Variants in ANO6 observed in about 807,000 individuals in gnomAD.
The protein encoded by ANO6 is anoctamin 6.
ANO6 carries 106 observed loss-of-function variants against 117.5 expected under a neutral mutation model. The observed-to-expected ratio is 0.90, with a 90% CI of 0.77 to 1.06. The LOEUF is 1.06. Among genes scored for constraint, ANO6 ranks in the 50% least tolerant of loss-of-function variants. ANO6 has a pLI of 0.00. For synonymous variants in ANO6, 367 were observed against 385.1 expected (o/e 0.95, Z 0.55); for missense variants, 955 against 1,121.1 (o/e 0.85, Z 2.12).
chr12:45,397,090 A>G (rs1256896553), intron 12 of ANO6, among the ~76,000 whole-genome samples: 3 of 152,148 alleles, frequency 2.0e-5, no homozygotes, highest in Non-Finnish European at 4.4e-5. Context: ...TTTGCAATCT[A>G]CCCATCTGAC....
intron 1 of ANO6, among the ~76,000 whole-genome samples, chr12:45,301,711 CTTAG>C (rs1299585706): frequency 2.0e-5 from 3 of 151,974 alleles, no homozygotes; most frequent in African/African-American, 7.2e-5. Context: ...TAAAGTGTTT[CTTAG>C]TTAGACTTTT....
In ANO6 at chr12:45,258,553, C is replaced by T. The variant is rs536919624; in HGVS notation, c.70+42162C>T. ...CCTCTTTACTTCTCTCTCCTCACCT[C>T]TTACATGTGCCTTCTGCCTCCCTAT... On this transcript the variant is annotated intron_variant, in intron 1 of 19. Coordinates refer to ENST00000320560, the MANE Select transcript of ANO6 (RefSeq NM_001025356.3). 3.1e-4 allele frequency among the ~76,000 whole-genome samples: 47 copies of T among 152,304 alleles called. No homozygotes were observed. The South Asian group carries it at 9.7e-3, about 32-fold the overall frequency.
chr12:45,372,254 T>C (rs1212381313), intron 9 of ANO6, among the ~76,000 whole-genome samples: 3 of 145,330 alleles, frequency 2.1e-5, no homozygotes, highest in Admixed American at 6.9e-5. Flanking sequence ...CTGAAAGTGA[T>C]GGGGAGAATG....
chr12:45,294,068 T>C (rs1017672767), intron 1 of ANO6, among the ~76,000 whole-genome samples: 23 of 152,074 alleles, frequency 1.5e-4, no homozygotes, highest in African/African-American at 5.6e-4. Flanking sequence ...ACAGGGGATA[T>C]GGGAATGTGC....
chr12:45,281,733 C>T (rs1938742013), intron 1 of ANO6, among the ~76,000 whole-genome samples: 2 of 152,180 alleles, frequency 1.3e-5, no homozygotes, highest in African/African-American at 4.8e-5. Flanking sequence ...ACAGCCAAAC[C>T]ATATCATTCC....
chr12:45,313,005 T>G (rs1939895392), intron 2 of ANO6, among the ~76,000 whole-genome samples: 1 of 152,084 alleles, frequency 6.6e-6, no homozygotes, highest in South Asian at 2.1e-4. Context: ...TAATGAAAAT[T>G]TTGACAGGTC....
chr12:45,243,186 G>T (rs992972497), intron 1 of ANO6, among the ~76,000 whole-genome samples: 1 of 152,138 alleles, frequency 6.6e-6, no homozygotes, highest in East Asian at 1.9e-4. Flanking sequence ...AGGTGTGGTG[G>T]CATGCACCTG....
At chr12:45,286,407 A>G (rs1164917426) in intron 1 of ANO6, among the ~76,000 whole-genome samples, 1 of 152,214 alleles carries the variant, frequency 6.6e-6, no homozygotes, top group East Asian at 1.9e-4. Flanking sequence ...TCAGTCCATT[A>G]TTTAACCGAT....
At chr12:45,304,054 T>C (rs1438459196) in intron 2 of ANO6, among the ~76,000 whole-genome samples, 1 of 152,214 alleles carries the variant, frequency 6.6e-6, no homozygotes, top group Non-Finnish European at 1.5e-5. Flanking sequence ...TTTCTTGTGC[T>C]TCGTAGATTT....
chr12:45,348,291 C>T lies in ANO6; in HGVS notation c.609C>T (p.Phe203=). ...DFYIVDRDAF[F]NPATRSRIVY... ...ACATAGTTGATAGAGATGCTTTCTT[C>T]AATCCAGCCACCAGAAGCCGCATTG... The change falls in exon 5 of 20, where the codon TTC becomes TTT. Residue 203 remains phenylalanine, a synonymous_variant. Transcript: ENST00000320560. The T allele has an allele frequency of 6.2e-7, 1 of 1,614,052 alleles. No individual in the cohort carries two copies. The highest frequency in any genetic ancestry group is 8.5e-7 in the Non-Finnish European group (1 of 1,179,974).
intron 2 of ANO6, 71 bp from the exon 3 acceptor site, chr12:45,331,224 A>G: frequency 7.2e-7 from 1 of 1,382,246 alleles, no homozygotes; most frequent in Non-Finnish European, 1.0e-6. Flanking sequence ...TAAAGCTTGA[A>G]AATTAACACT....
intron 1 of ANO6, among the ~76,000 whole-genome samples, chr12:45,253,124 G>A (rs1418243995): frequency 6.6e-6 from 1 of 152,212 alleles, no homozygotes; most frequent in Non-Finnish European, 1.5e-5. Context: ...TTTGTTAATA[G>A]TGAGACATAT....
intron 1 of ANO6, among the ~76,000 whole-genome samples, chr12:45,294,730 A>G (rs1433743111): frequency 6.6e-6 from 1 of 152,198 alleles, no homozygotes; most frequent in Non-Finnish European, 1.5e-5. Flanking sequence ...CAAGTAACCA[A>G]CATTGCCCAG....
At chr12:45,382,111 G>T (rs1169977459) in intron 10 of ANO6, among the ~76,000 whole-genome samples, 1 of 152,154 alleles carries the variant, frequency 6.6e-6, no homozygotes, top group African/African-American at 2.4e-5. Context: ...ACAAAATACA[G>T]TGTATATTAA....
At chr12:45,255,043 A>C (rs1937761907) in intron 1 of ANO6, among the ~76,000 whole-genome samples, 1 of 152,266 alleles carries the variant, frequency 6.6e-6, no homozygotes, top group African/African-American at 2.4e-5. Context: ...AAAAGAATTA[A>C]GTTACCATAA....
chr12:45,431,248 A>T lies in ANO6; in HGVS notation c.*1937A>T. On this transcript the variant is annotated 3_prime_UTR_variant, in exon 20 of 20. Coordinates refer to ENST00000320560, the MANE Select transcript of ANO6 (RefSeq NM_001025356.3). ...CTGAAGGAAACTCTTTCTCATTCGC[A>T]GCCAAGACGGGAGTGCCACTGTTCC... 3 of 985,378 alleles carry T rather than the reference A, an allele frequency of 3.0e-6. No homozygotes were observed. The highest frequency in any genetic ancestry group is 3.6e-6 in the Non-Finnish European group (3 of 829,920). The allele number at this position is 985,378 out of a possible 1,614,324, so 61.0% of individuals were successfully genotyped here.
intron 3 of ANO6, among the ~76,000 whole-genome samples, chr12:45,337,761 A>G (rs1232597827): frequency 6.6e-6 from 1 of 152,028 alleles, no homozygotes; most frequent in Non-Finnish European, 1.5e-5. Context: ...TATTCTTGAA[A>G]ACTGCTAAGG....
intron 4 of ANO6, among the ~76,000 whole-genome samples, chr12:45,347,813 T>G (rs1389418753): frequency 6.6e-6 from 1 of 152,206 alleles, no homozygotes; most frequent in Non-Finnish European, 1.5e-5. Context: ...ACTATGATGA[T>G]TTGAATTACT....
chr12:45,266,324 A>G (rs1252396816), intron 1 of ANO6, among the ~76,000 whole-genome samples: 4 of 152,206 alleles, frequency 2.6e-5, no homozygotes, highest in African/African-American at 4.8e-5. Flanking sequence ...GTAAAAATCT[A>G]TAAGATTTTA....
Sources: gnomAD v4.1 joint callset for allele counts (sites outside exome capture counted in the v4.1 genomes callset) on GRCh38, gnomAD v4.1.1 for gene constraint, MANE v1.5 for transcripts, NCBI Gene and HGNC (gene_info 2026-07-23, HGNC 2026-07-21) for gene names.